Variants in SCML4 observed in about 807,000 individuals in gnomAD.
The protein encoded by SCML4 is Scm polycomb group protein like 4.
Under a neutral mutation model 41.1 loss-of-function variants are expected in SCML4, and 34 were observed. That is an observed-to-expected ratio of 0.83 (90% CI 0.63 to 1.10). SCML4 has a LOEUF of 1.10. SCML4 is among the 50% of genes least tolerant of loss of function. SCML4 has a pLI of 0.00. For missense variants in SCML4, 522 were observed against 534.1 expected, an observed-to-expected ratio of 0.98 and a Z score of 0.22; for synonymous variants, 214 against 220.9, an observed-to-expected ratio of 0.97 and a Z score of 0.28.
intron 2 of SCML4, among the ~76,000 whole-genome samples, chr6:107,771,011 A>C (rs551211614): frequency 6.6e-6 from 1 of 152,216 alleles, no homozygotes; most frequent in Non-Finnish European, 1.5e-5. Context: ...TGGCATGCAC[A>C]TGAAAGAAAG....
At chr6:107,770,643 C>A (rs905933337) in intron 2 of SCML4, among the ~76,000 whole-genome samples, 8 of 152,170 alleles carry the variant, frequency 5.3e-5, no homozygotes, top group African/African-American at 1.4e-4. Flanking sequence ...TTCTTCCTGA[C>A]CTGAGTTGTC....
chr6:107,736,052 GT>G (rs755755488), intron 5 of SCML4, among the ~76,000 whole-genome samples: 5 of 152,106 alleles, frequency 3.3e-5, no homozygotes, highest in Non-Finnish European at 5.9e-5. Context: ...ACTTGTGTGG[GT>G]TTTGTAGAAA....
chr6:107,824,949 A>G (rs577399102), upstream of SCML4, among the ~76,000 whole-genome samples: 3 of 152,252 alleles, frequency 2.0e-5, no homozygotes, highest in Non-Finnish European at 2.9e-5. Context: ...TGCCCACAAC[A>G]TATGTGTACA....
rs1052210692 is a variant in SCML4 at position 107,703,614 on chromosome 6, A to C, written c.*1586T>G. On this transcript the variant is annotated 3_prime_UTR_variant, in exon 8 of 8. Transcript: ENST00000369020. ...GGCTGCCCTCAAGGTTATACAGGTC[A>C]TGCTCTGTACAACGGCAGCTGATCA... Among the ~76,000 whole-genome samples, 2 of 152,206 alleles carry C rather than the reference A, an allele frequency of 1.3e-5. No homozygotes were observed. Among genetic ancestry groups the C allele is most frequent in the Admixed American group, 1.3e-4 (2 of 15,286 alleles).
chr6:107,819,686 G>C (rs1366958235), intron 1 of SCML4, among the ~76,000 whole-genome samples: 1 of 129,666 alleles, frequency 7.7e-6, no homozygotes, highest in Non-Finnish European at 1.6e-5. Context: ...AAAAAAAAAA[G>C]CACATCTGCC....
intron 6 of SCML4, among the ~76,000 whole-genome samples, chr6:107,709,752 G>C (rs1739870): frequency 0.76 from 115,577 of 152,032 alleles, 44,125 homozygotes; most frequent in Admixed American, 0.81. Flanking sequence ...CTCTTGTTGC[G>C]CAGGCTGGAG....
intron 6 of SCML4, among the ~76,000 whole-genome samples, chr6:107,713,946 C>T (rs1774487651): frequency 6.6e-6 from 1 of 152,216 alleles, no homozygotes; most frequent in Non-Finnish European, 1.5e-5. Context: ...TTATTTCTAT[C>T]TGTTGCCCAG....
chr6:107,829,555 CA>C, the SCML4 span, among the ~76,000 whole-genome samples: 5 of 151,938 alleles, frequency 3.3e-5, no homozygotes, highest in African/African-American at 4.8e-5. Context: ...CACACAGACA[CA>C]GGGGGAACAT....
chr6:107,793,669 C>T (rs1049077096), intron 1 of SCML4, among the ~76,000 whole-genome samples: 24 of 152,196 alleles, frequency 1.6e-4, no homozygotes, highest in African/African-American at 5.3e-4. Context: ...ACAAGGGAGC[C>T]GGGCACATTG....
At position 107,705,304 on chromosome 6, in the gene SCML4, GC is replaced by G. The variant is rs1345111134; in HGVS notation, c.1140del (p.Leu381CysfsTer3). On this transcript the variant is annotated frameshift_variant, in exon 8 of 8. Coordinates refer to ENST00000369020, the MANE Select transcript of SCML4 (RefSeq NM_198081.5). LOFTEE classifies it high-confidence loss of function. The part of the protein sequence containing the change: ...FRKHEIDGNA[L>X]LLLKSDMVMK... The stretch of plus-strand genomic sequence containing the variant: ...ATGACCATGTCACTCTTCAGCAACA[GC>G]AGAGCGTTGCCATCAATCTCCTGGT... 1 of 1,551,362 alleles carries G rather than the reference GC, an allele frequency of 6.4e-7. No individual in the cohort carries two copies. The highest frequency in any genetic ancestry group is 2.0e-5 in the Admixed American group (1 of 51,002).
intron 1 of SCML4, among the ~76,000 whole-genome samples, chr6:107,781,171 T>C (rs1562252501): frequency 6.6e-6 from 1 of 152,118 alleles, no homozygotes. Context: ...CTGGACAACA[T>C]GGTGAGACCC....
upstream of SCML4, among the ~76,000 whole-genome samples, chr6:107,826,087 T>C (rs771551581): frequency 2.7e-5 from 4 of 148,344 alleles, no homozygotes; most frequent in Non-Finnish European, 4.5e-5. Context: ...CTACTAAAAA[T>C]ACAAAAATTA....
chr6:107,784,930 G>C (rs1021655373), intron 1 of SCML4, among the ~76,000 whole-genome samples: 4 of 152,190 alleles, frequency 2.6e-5, no homozygotes, highest in Non-Finnish European at 5.9e-5. Context: ...TATGGCACAT[G>C]AGGCATAGTA....
At chr6:107,733,086 G>A (rs1776718737) in intron 5 of SCML4, among the ~76,000 whole-genome samples, 1 of 152,202 alleles carries the variant, frequency 6.6e-6, no homozygotes, top group South Asian at 2.1e-4. Context: ...CTGGAAAAGT[G>A]GGTCCTGCCC....
Position 107,702,815 on chromosome 6 carries a change from T to A in SCML4, c.*2385A>T, listed in dbSNP as rs964838642. On this transcript the variant is annotated 3_prime_UTR_variant, in exon 8 of 8. Coordinates refer to ENST00000369020, the MANE Select transcript of SCML4 (RefSeq NM_198081.5). The stretch of plus-strand genomic sequence containing the variant: ...GCATTTGAACCAGAGCAACTCCATC[T>A]TGAATGGGAGCTGGGTAAAATGAGG... 6.6e-6 allele frequency among the ~76,000 whole-genome samples: 1 copy of A among 152,192 alleles called. No individual in the cohort carries two copies. The highest frequency in any genetic ancestry group is 6.5e-5 in the Admixed American group (1 of 15,276).
chr6:107,845,451 C>T, the SCML4 span, among the ~76,000 whole-genome samples: 1 of 152,210 alleles, frequency 6.6e-6, no homozygotes, highest in Non-Finnish European at 1.5e-5. Context: ...TTGGCCTTAG[C>T]AGCTACTGGA....
chr6:107,763,655 G>A (rs936073215), intron 2 of SCML4, among the ~76,000 whole-genome samples: 1 of 152,110 alleles, frequency 6.6e-6, no homozygotes, highest in Non-Finnish European at 1.5e-5. Flanking sequence ...CCAAAATGCC[G>A]GGGCTACAGG....
At chr6:107,789,400 TCCCCACTG>T (rs1321062110) in intron 1 of SCML4, among the ~76,000 whole-genome samples, 1 of 152,096 alleles carries the variant, frequency 6.6e-6, no homozygotes, top group African/African-American at 2.4e-5. Context: ...CCATCCTGCC[TCCCCACTG>T]CCCCGCATAA....
In SCML4 at chr6:107,755,766, A is replaced by T. The variant is rs77705032; in HGVS notation, c.157-5953T>A. ...TAACACCATTCTTCAATGTAAGGAA[A>T]AAAAACTCCTTGCAGACATGGCTGA... is the stretch of plus-strand genomic sequence containing the variant. On this transcript the variant is annotated intron_variant, in intron 2 of 7. Transcript: ENST00000369020. 3.3e-3 allele frequency: 1,235 copies of T among 377,498 alleles called. 17 individuals carry two copies. The East Asian group carries it at 0.047, about 14-fold the overall frequency. 23.4% of individuals were successfully genotyped at this position (377,498 alleles called of 1,614,324 possible). A position where few individuals can be genotyped will look rare whatever the true frequency, so the allele number is the denominator to read the frequency against.
Sources: allele counts gnomAD v4.1 joint callset (sites outside exome capture counted in the v4.1 genomes callset), GRCh38; gene constraint gnomAD v4.1.1; transcripts MANE v1.5; gene names NCBI Gene and HGNC (gene_info 2026-07-23, HGNC 2026-07-21).